The following ZBTB46 variants were observed in gnomAD, a reference collection of about 807,000 sequenced individuals.
The protein encoded by ZBTB46 is zinc finger and BTB domain containing 46.
A neutral mutation model predicts 44.1 loss-of-function variants in ZBTB46; 8 were observed. The ratio of observed to expected loss-of-function variants is 0.18; its 90% CI spans 0.11 to 0.33. The LOEUF (loss-of-function observed/expected upper bound fraction) is 0.33. Among genes scored for constraint, ZBTB46 ranks in the 10% least tolerant of loss-of-function variants. ZBTB46 has a pLI of 1.00. For synonymous variants in ZBTB46, 409 were observed against 382.3 expected, an observed-to-expected ratio of 1.07 and a Z score of -0.81; for missense variants, 651 against 847.7, an observed-to-expected ratio of 0.77 and a Z score of 2.88.
chr20:63,748,868 C>T (rs13040195), intron 4 of ZBTB46, among the ~76,000 whole-genome samples: 1,562 of 152,368 alleles, frequency 0.01, 13 homozygotes, highest in Non-Finnish European at 0.016. Flanking sequence ...CATACATAAT[C>T]AATGTGTGTC....
intron 3 of ZBTB46, among the ~76,000 whole-genome samples, chr20:63,774,317 A>G (rs1011457392): frequency 6.6e-6 from 1 of 152,338 alleles, no homozygotes; most frequent in African/African-American, 2.4e-5. Context: ...TCGAAAGAAT[A>G]TTTTAGTGCT....
At chr20:63,799,862 G>A (rs2092630401) in intron 1 of ZBTB46, among the ~76,000 whole-genome samples, 1 of 152,154 alleles carries the variant, frequency 6.6e-6, no homozygotes, top group South Asian at 2.1e-4. Context: ...CTCAGCTGCT[G>A]AGGGCACATG....
intron 1 of ZBTB46, among the ~76,000 whole-genome samples, chr20:63,804,449 C>T (rs1012622114): frequency 1.3e-5 from 2 of 152,208 alleles, no homozygotes; most frequent in African/African-American, 2.4e-5. Flanking sequence ...ACAGCCTCCC[C>T]CTCCTCCAGG....
At position 63,746,046 on chromosome 20, in the gene ZBTB46, TAGC is replaced by T. The variant is rs1444955635; in HGVS notation, c.*881_*883del. On this transcript the variant is annotated 3_prime_UTR_variant, in exon 5 of 5. Transcript: ENST00000245663. ...CAGTTAGGAACACCGCCTCCAGTGT[TAGC>T]AGCAAAGGCAGGAGCCCAGCTCCAG... 1 of 152,720 alleles carries T rather than the reference TAGC, an allele frequency of 6.5e-6. No homozygotes were observed. The highest frequency in any genetic ancestry group is 2.4e-5 in the African/African-American group (1 of 41,464). 9.5% of individuals were successfully genotyped at this position (152,720 alleles called of 1,614,324 possible).
intron 3 of ZBTB46, among the ~76,000 whole-genome samples, chr20:63,771,588 A>G (rs4809336): frequency 0.67 from 100,674 of 150,472 alleles, 33,664 homozygotes; most frequent in East Asian, 0.89. Context: ...GCGCTCCTCC[A>G]CCGCGGCAGC....
intron 1 of ZBTB46, among the ~76,000 whole-genome samples, chr20:63,820,431 T>TTATATA (rs59953663): frequency 6.7e-6 from 1 of 150,156 alleles, no homozygotes; most frequent in Non-Finnish European, 1.5e-5. Flanking sequence ...AAGAAGTATA[T>TTATATA]TATATATATA....
At chr20:63,822,220 C>CA (rs777497758) in intron 1 of ZBTB46, among the ~76,000 whole-genome samples, 5 of 152,312 alleles carry the variant, frequency 3.3e-5, no homozygotes, top group Non-Finnish European at 5.9e-5. Context: ...AAGCTGCACT[C>CA]ACAGCGTCGG....
chr20:63,831,618 C>T (rs1235925015), upstream of ZBTB46, among the ~76,000 whole-genome samples: 1 of 149,084 alleles, frequency 6.7e-6, no homozygotes, highest in Non-Finnish European at 1.5e-5. Context: ...GGGGGTCCCC[C>T]TGGCCCCCGC....
Position 63,790,057 on chromosome 20 carries a change from G to A in ZBTB46, c.701C>T (p.Ser234Leu). Residue 234 changes from serine (S) to leucine (L), a missense_variant, in exon 2 of 5, where the codon TCA becomes TTA. Ser to Leu is a moderately radical substitution (Grantham distance 145). Transcript: ENST00000245663. ...GPLRIKEEQV[S>L]PSQYGGSELP... ...CTCGCTCCCTCCGTACTGAGACGGT[G>A]AAACCTGCTCTTCCTTGATGCGCAG... The A allele has an allele frequency of 1.2e-6, 2 of 1,614,082 alleles. No homozygotes were observed. The highest frequency in any genetic ancestry group is 1.7e-6 in the Non-Finnish European group (2 of 1,180,008).
In ZBTB46 at chr20:63,752,225, C is replaced by T. The variant is rs1314470762; in HGVS notation, c.1398+461G>A. Among the ~76,000 whole-genome samples the T allele has an allele frequency of 1.3e-5, 2 of 152,174 alleles. No homozygotes were observed. Among genetic ancestry groups the T allele is most frequent in the Non-Finnish European group, 2.9e-5 (2 of 68,012 alleles). On this transcript the variant is annotated intron_variant, in intron 4 of 4. Coordinates refer to ENST00000245663, the MANE Select transcript of ZBTB46 (RefSeq NM_001369741.1). The surrounding 1 kb of genome is among the most constrained non-coding windows in gnomAD (Gnocchi z 5.6). ...CCCAGGCTGCCTTTTTCTATTATTT[C>T]CTCCCCAAGCAAATCCATCCACTCC...
chr20:63,819,744 G>A (rs1264105307), intron 1 of ZBTB46, among the ~76,000 whole-genome samples: 1 of 152,120 alleles, frequency 6.6e-6, no homozygotes, highest in Non-Finnish European at 1.5e-5. Flanking sequence ...CAGAGTTAGT[G>A]CCACCTCGTA....
At chr20:63,772,925 C>T (rs1166689948) in intron 3 of ZBTB46, among the ~76,000 whole-genome samples, 3 of 152,172 alleles carry the variant, frequency 2.0e-5, no homozygotes, top group East Asian at 1.9e-4. Flanking sequence ...CCACGTGCTC[C>T]GGGGCTCGCT....
At position 63,745,186 on chromosome 20, in the gene ZBTB46, C is replaced by G. The variant is rs767988811; in HGVS notation, c.*1744G>C. The G allele has an allele frequency of 6.6e-6, 1 of 152,238 alleles. No individual in the cohort carries two copies. Among genetic ancestry groups the G allele is most frequent in the Non-Finnish European group, 1.5e-5 (1 of 68,060 alleles). The allele number at this position is 152,238 out of a possible 1,614,324, so 9.4% of individuals were successfully genotyped here. A position where few individuals can be genotyped will look rare whatever the true frequency, so the allele number is the denominator to read the frequency against. On this transcript the variant is annotated 3_prime_UTR_variant, in exon 5 of 5. Coordinates refer to ENST00000245663, the MANE Select transcript of ZBTB46 (RefSeq NM_001369741.1). Reference sequence around the variant, plus strand: ...GCAGGGCTCACCGCTGAGGGGCCAGCGCTTGGCCCGGCTCCTATCCCCACA... The same window carrying G: ...GCAGGGCTCACCGCTGAGGGGCCAGGGCTTGGCCCGGCTCCTATCCCCACA...
chr20:63,792,027 C>T (rs1260657724), intron 1 of ZBTB46, among the ~76,000 whole-genome samples: 1 of 152,236 alleles, frequency 6.6e-6, no homozygotes, highest in Non-Finnish European at 1.5e-5. Flanking sequence ...AGCTCTGCCT[C>T]TGTCTCAACA....
chr20:63,756,478 C>T (rs1601399936), intron 3 of ZBTB46, among the ~76,000 whole-genome samples: 1 of 152,192 alleles, frequency 6.6e-6, no homozygotes, highest in Non-Finnish European at 1.5e-5. Flanking sequence ...ATCAACTGTT[C>T]TTTGTTTTTT....
intron 3 of ZBTB46, among the ~76,000 whole-genome samples, chr20:63,771,790 T>C (rs955775474): frequency 2.6e-5 from 4 of 152,236 alleles, no homozygotes; most frequent in African/African-American, 9.6e-5. Flanking sequence ...AAGTTTTTTC[T>C]GAGTATTTCC....
intron 1 of ZBTB46, among the ~76,000 whole-genome samples, chr20:63,808,953 G>A (rs1244252257): frequency 1.4e-5 from 2 of 145,490 alleles, no homozygotes; most frequent in Non-Finnish European, 3.0e-5. Flanking sequence ...CTCCAGCCTG[G>A]GCGGCAGAGC....
At chr20:63,832,251 G>A (rs530448383), upstream of ZBTB46, among the ~76,000 whole-genome samples, 244 of 152,306 alleles carry the variant, frequency 1.6e-3, 1 homozygote, top group African/African-American at 5.6e-3. The surrounding 1 kb of genome is among the most constrained non-coding windows in gnomAD (Gnocchi z 5.0). Context: ...CGGGCGGGTA[G>A]AGTGGGAAGC....
intron 3 of ZBTB46, among the ~76,000 whole-genome samples, chr20:63,766,112 C>T (rs112591235): frequency 0.011 from 1,733 of 151,690 alleles, 17 homozygotes; most frequent in Non-Finnish European, 0.019. Flanking sequence ...AGAGCCCAGG[C>T]GTGGACTAAT....
Sources: allele counts gnomAD v4.1 joint callset (sites outside exome capture counted in the v4.1 genomes callset), GRCh38; gene constraint gnomAD v4.1.1; non-coding constraint Gnocchi (gnomAD v3.1); transcripts MANE v1.5; gene names NCBI Gene and HGNC (gene_info 2026-07-23, HGNC 2026-07-21).